Variants in BCKDHB observed in about 807,000 individuals in gnomAD.
The protein encoded by BCKDHB is branched chain keto acid dehydrogenase E1 subunit beta.
A neutral mutation model predicts 48.5 loss-of-function variants in BCKDHB; 41 were observed. The observed-to-expected ratio is 0.85, with a 90% CI of 0.66 to 1.10. The LOEUF (loss-of-function observed/expected upper bound fraction) is 1.10, where lower values mean the gene tolerates loss of function less well. Among genes scored for constraint, BCKDHB ranks in the 50% least tolerant of loss-of-function variants. The pLI is 0.00. For missense variants in BCKDHB, 496 were observed against 494.2 expected (o/e 1.00, Z -0.03); for synonymous variants, 201 against 174.8 (o/e 1.15, Z -1.18).
chr6:80,298,382 T>C (rs888739035), intron 9 of BCKDHB, among the ~76,000 whole-genome samples: 3 of 152,218 alleles, frequency 2.0e-5, no homozygotes, highest in Non-Finnish European at 2.9e-5. Flanking sequence ...ATGCTGGGAT[T>C]ACAGGCATTA....
chr6:80,355,913 G>T, the BCKDHB span: 1 of 152,196 alleles, frequency 6.6e-6, no homozygotes, highest in Non-Finnish European at 1.5e-5. Context: ...TGGGTTGTTG[G>T]AGTGGTGACA....
chr6:80,215,057 A>G (rs1027717896), intron 8 of BCKDHB, among the ~76,000 whole-genome samples: 1 of 152,232 alleles, frequency 6.6e-6, no homozygotes, highest in Non-Finnish European at 1.5e-5. Flanking sequence ...TTTCATGCTT[A>G]TAATAAGCCT....
At chr6:80,331,182 C>A (rs80338270) in intron 9 of BCKDHB, among the ~76,000 whole-genome samples, 2 of 152,036 alleles carry the variant, frequency 1.3e-5, no homozygotes, top group East Asian at 1.9e-4. Flanking sequence ...CTTAAGCATC[C>A]GGCAACCCAC....
intron 8 of BCKDHB, among the ~76,000 whole-genome samples, chr6:80,249,512 A>G (rs956044021): frequency 6.6e-6 from 1 of 152,200 alleles, no homozygotes; most frequent in Non-Finnish European, 1.5e-5. Context: ...TATGATATAT[A>G]AATGAAAAGG....
chr6:80,150,661 A>T (rs1484748213), intron 3 of BCKDHB, among the ~76,000 whole-genome samples: 2 of 145,038 alleles, frequency 1.4e-5, no homozygotes, highest in Non-Finnish European at 3.0e-5. Flanking sequence ...GGTTCAAGTG[A>T]TTCTCCTGCC....
At chr6:80,140,487 G>A (rs574207760) in intron 3 of BCKDHB, among the ~76,000 whole-genome samples, 13 of 152,122 alleles carry the variant, frequency 8.5e-5, no homozygotes, top group African/African-American at 1.4e-4. Context: ...CATGAATACC[G>A]AATTTATTGT....
chr6:80,265,994 C>T (rs1407208021), intron 8 of BCKDHB, among the ~76,000 whole-genome samples: 1 of 152,050 alleles, frequency 6.6e-6, no homozygotes, highest in Non-Finnish European at 1.5e-5. Flanking sequence ...CTTCCAAATG[C>T]CTCCTGCCAT....
chr6:80,431,294 C>A, the BCKDHB span, among the ~76,000 whole-genome samples: 1 of 152,126 alleles, frequency 6.6e-6, no homozygotes, highest in Non-Finnish European at 1.5e-5. Flanking sequence ...AATGTATATT[C>A]TGTTGATTTG....
chr6:80,350,582 A>G (rs2128024938), downstream of BCKDHB, among the ~76,000 whole-genome samples: 1 of 152,284 alleles, frequency 6.6e-6, no homozygotes, highest in East Asian at 1.9e-4. Flanking sequence ...CAGTGTTGAT[A>G]AACAAAAGTC....
intron 8 of BCKDHB, among the ~76,000 whole-genome samples, chr6:80,260,563 C>G (rs1184297436): frequency 6.6e-6 from 1 of 152,106 alleles, no homozygotes; most frequent in Non-Finnish European, 1.5e-5. Flanking sequence ...TTTAAAATTC[C>G]AAATGCCATA....
chr6:80,306,660 G>A (rs1767892573), intron 9 of BCKDHB, among the ~76,000 whole-genome samples: 1 of 152,174 alleles, frequency 6.6e-6, no homozygotes, highest in Non-Finnish European at 1.5e-5. Flanking sequence ...TTCCTTAATG[G>A]CAAATGATAC....
At chr6:80,113,921 A>G (rs1031571669) in intron 1 of BCKDHB, among the ~76,000 whole-genome samples, 2 of 152,212 alleles carry the variant, frequency 1.3e-5, no homozygotes, top group African/African-American at 4.8e-5. Context: ...GCAACCATTC[A>G]GAGGCTGAAG....
At chr6:80,192,350 AT>A (rs571329263) in intron 6 of BCKDHB, among the ~76,000 whole-genome samples, 19 of 148,714 alleles carry the variant, frequency 1.3e-4, no homozygotes, top group East Asian at 3.9e-4. Context: ...TCAGTGTTCA[AT>A]TTTTTTTTTG....
intron 8 of BCKDHB, among the ~76,000 whole-genome samples, chr6:80,206,394 A>G (rs1189323489): frequency 6.6e-6 from 1 of 152,144 alleles, no homozygotes; most frequent in Admixed American, 6.6e-5. Context: ...GATCAATAAC[A>G]AAGGGGAAAG....
chr6:80,448,077 A>G, the BCKDHB span, among the ~76,000 whole-genome samples: 4 of 152,292 alleles, frequency 2.6e-5, no homozygotes, highest in Middle Eastern at 6.8e-3. Flanking sequence ...TGCTGGGATT[A>G]TGTGACTGGG....
At chr6:80,371,139 A>C in the BCKDHB span, among the ~76,000 whole-genome samples, 1 of 151,974 alleles carries the variant, frequency 6.6e-6, no homozygotes, top group African/African-American at 2.4e-5. Flanking sequence ...TACCACATCC[A>C]TGCCAACTTC....
chr6:80,288,559 T>C (rs1766743335), intron 9 of BCKDHB, among the ~76,000 whole-genome samples: 1 of 152,074 alleles, frequency 6.6e-6, no homozygotes, highest in Non-Finnish European at 1.5e-5. Context: ...GAAATGTATA[T>C]TTAAAATAAG....
intron 8 of BCKDHB, among the ~76,000 whole-genome samples, chr6:80,258,336 T>C (rs1777146405): frequency 1.3e-5 from 2 of 152,202 alleles, no homozygotes; most frequent in African/African-American, 4.8e-5. Flanking sequence ...AGTCAGAGAT[T>C]CACATTTTCA....
At chr6:80,185,011 A>T (rs188397047) in intron 6 of BCKDHB, among the ~76,000 whole-genome samples, 22 of 152,172 alleles carry the variant, frequency 1.4e-4, no homozygotes, top group African/African-American at 5.3e-4. Context: ...GTTTTTCTCT[A>T]TTATCCCCTC....
Sources: allele counts gnomAD v4.1 joint callset (sites outside exome capture counted in the v4.1 genomes callset), GRCh38; gene constraint gnomAD v4.1.1; transcripts MANE v1.5; gene names NCBI Gene and HGNC (gene_info 2026-07-23, HGNC 2026-07-21).